The following SFMBT2 variants were observed in gnomAD, a reference collection of about 807,000 sequenced individuals.
SFMBT2 encodes Scm like with four mbt domains 2, also known as scm-like with four MBT domains protein 2.
Under a neutral mutation model 110.1 loss-of-function variants are expected in SFMBT2, and 38 were observed. The observed-to-expected ratio is 0.35, with a 90% CI of 0.27 to 0.45. The LOEUF (loss-of-function observed/expected upper bound fraction) is 0.45, where lower values mean the gene tolerates loss of function less well. Among genes scored for constraint, SFMBT2 ranks in the 20% least tolerant of loss-of-function variants. The pLI is 1.00. For synonymous variants in SFMBT2, 425 were observed against 425.4 expected (o/e 1.00, Z 0.01); for missense variants, 1,011 against 1,094.9 (o/e 0.92, Z 1.08).
rs78232286 is a variant in SFMBT2, at chr10:7,311,363, T to C, written c.437-25409A>G. ...GACATTTCAACAGCTATACTCTACTTTGCAAACTAACAGATTCTTCCATTG... is the reference window on the plus strand; with the variant it reads ...GACATTTCAACAGCTATACTCTACTCTGCAAACTAACAGATTCTTCCATTG... On this transcript the variant is annotated intron_variant, in intron 4 of 20. Transcript: ENST00000397167. 8.9e-4 allele frequency among the ~76,000 whole-genome samples: 136 copies of C among 152,364 alleles called. 3 individuals are homozygous for C. The East Asian group carries it at 0.025, about 28-fold the overall frequency.
intron 7 of SFMBT2, among the ~76,000 whole-genome samples, chr10:7,268,352 C>T (rs1280065603): frequency 5.3e-5 from 8 of 152,144 alleles, no homozygotes. Flanking sequence ...GACAGAAACC[C>T]TTCCTAGTAG....
At chr10:7,245,646 C>G (rs1191076157) in intron 8 of SFMBT2, among the ~76,000 whole-genome samples, 1 of 152,220 alleles carries the variant, frequency 6.6e-6, no homozygotes, top group African/African-American at 2.4e-5. Flanking sequence ...GAAACAGAAC[C>G]CAAGGCTTCT....
At chr10:7,353,647 T>C (rs1472339954) in intron 4 of SFMBT2, among the ~76,000 whole-genome samples, 1 of 152,198 alleles carries the variant, frequency 6.6e-6, no homozygotes, top group Admixed American at 6.5e-5. Context: ...CAATTTGGCG[T>C]TGAGAAATGT....
At chr10:7,253,446 T>C (rs1041931966) in intron 7 of SFMBT2, among the ~76,000 whole-genome samples, 7 of 152,164 alleles carry the variant, frequency 4.6e-5, no homozygotes, top group Non-Finnish European at 8.8e-5. Context: ...GGATATTCAC[T>C]TGCTGTCCAG....
chr10:7,203,746 C>T (rs915177049), intron 12 of SFMBT2: 25 of 818,632 alleles, frequency 3.1e-5, no homozygotes, highest in South Asian at 1.1e-4. Context: ...AGCGGAGTAT[C>T]GCTCTGTCAC....
chr10:7,282,948 T>C (rs951063087), intron 6 of SFMBT2, among the ~76,000 whole-genome samples: 4 of 152,168 alleles, frequency 2.6e-5, no homozygotes, highest in African/African-American at 9.7e-5. Context: ...AGTATTTCTG[T>C]TCTGAGGTTT....
chr10:7,315,193 A>C (rs1842977356), intron 4 of SFMBT2, among the ~76,000 whole-genome samples: 1 of 152,202 alleles, frequency 6.6e-6, no homozygotes, highest in Admixed American at 6.5e-5. Flanking sequence ...GTGTGTGTCA[A>C]TGTGCCTGGC....
intron 4 of SFMBT2, among the ~76,000 whole-genome samples, chr10:7,302,556 G>A (rs1460313620): frequency 1.3e-5 from 2 of 152,240 alleles, no homozygotes; most frequent in Non-Finnish European, 2.9e-5. Flanking sequence ...TATTCTGTAA[G>A]CAGAGATGCA....
intron 16 of SFMBT2, among the ~76,000 whole-genome samples, chr10:7,178,860 G>A (rs1486536674): frequency 1.3e-5 from 2 of 152,156 alleles, no homozygotes; most frequent in Non-Finnish European, 2.9e-5. Flanking sequence ...CCTTTTGACA[G>A]ATTTTTAACC....
At chr10:7,186,459 C>CACATATATAT (rs748644225) in intron 16 of SFMBT2, among the ~76,000 whole-genome samples, 73 of 126,902 alleles carry the variant, frequency 5.8e-4, no homozygotes, top group South Asian at 2.8e-3. Flanking sequence ...CACACACACA[C>CACATATATAT]ATATATATAT....
intron 4 of SFMBT2, chr10:7,320,519 T>A (rs1450974802): frequency 1.2e-6 from 1 of 847,270 alleles, no homozygotes; most frequent in Non-Finnish European, 1.4e-6. Context: ...ACTGGAGTAT[T>A]TTCTTATGAA....
At chr10:7,351,880 A>AT (rs140156748) in intron 4 of SFMBT2, among the ~76,000 whole-genome samples, 16,557 of 149,420 alleles carry the variant, frequency 0.11, 1,092 homozygotes, top group African/African-American at 0.19. Context: ...TAAAAAAAAA[A>AT]ATATATATAT....
intron 17 of SFMBT2, among the ~76,000 whole-genome samples, chr10:7,174,943 C>CTGTGTG (rs371540722): frequency 6.6e-6 from 1 of 151,182 alleles, no homozygotes; most frequent in African/African-American, 2.4e-5. Flanking sequence ...CAAGGGGACT[C>CTGTGTG]TGTGTGTGTG....
chr10:7,219,472 T>C lies in SFMBT2; in HGVS notation c.1330+939A>G, dbSNP rs111505338. Among the ~76,000 whole-genome samples the C allele has an allele frequency of 4.6e-3, 705 of 152,346 alleles. 5 individuals carry two copies. The highest frequency in any genetic ancestry group is 0.015 in the African/African-American group (624 of 41,578). ...CCTGGACTACATATGTATGAGATTGTAGGCTTATTTAAGACCTTTGCAGAC... is the reference window on the plus strand; with the variant it reads ...CCTGGACTACATATGTATGAGATTGCAGGCTTATTTAAGACCTTTGCAGAC... On this transcript the variant is annotated intron_variant, in intron 11 of 20. Coordinates refer to ENST00000397167, the MANE Select transcript of SFMBT2 (RefSeq NM_001387889.1).
At chr10:7,196,774 C>T (rs1028597339) in intron 15 of SFMBT2, among the ~76,000 whole-genome samples, 8 of 152,122 alleles carry the variant, frequency 5.3e-5, no homozygotes, top group Admixed American at 2.0e-4. Flanking sequence ...AGAGAAAGTA[C>T]GGATACGTGT....
At chr10:7,183,770 A>C (rs372128027) in intron 16 of SFMBT2, among the ~76,000 whole-genome samples, 17 of 152,338 alleles carry the variant, frequency 1.1e-4, no homozygotes, top group African/African-American at 3.8e-4. Flanking sequence ...TGCTTTCCTC[A>C]AATCCAATTT....
intron 11 of SFMBT2, 104 bp downstream of exon 11, chr10:7,220,307 G>A: frequency 2.4e-6 from 2 of 823,794 alleles, no homozygotes; most frequent in South Asian, 3.4e-5. Flanking sequence ...TTAAATGAAA[G>A]AGAAGTAAGG....
chr10:7,332,733 C>T (rs182148087), intron 4 of SFMBT2, among the ~76,000 whole-genome samples: 35 of 152,288 alleles, frequency 2.3e-4, no homozygotes, highest in African/African-American at 7.9e-4. Flanking sequence ...AGAACAAACA[C>T]ACAAATAGAG....
At chr10:7,176,442 C>T (rs1838056340) in intron 16 of SFMBT2, 1 of 980,244 alleles carries the variant, frequency 1.0e-6, no homozygotes, top group Non-Finnish European at 1.2e-6. Flanking sequence ...CAACTTCATA[C>T]CAAAGATGAG....
Sources: gnomAD v4.1 joint callset for allele counts (sites outside exome capture counted in the v4.1 genomes callset) on GRCh38, gnomAD v4.1.1 for gene constraint, MANE v1.5 for transcripts, NCBI Gene and HGNC (gene_info 2026-07-23, HGNC 2026-07-21) for gene names.